Variants in AGPS observed in about 807,000 individuals in gnomAD.
AGPS encodes alkylglycerone phosphate synthase.
Under a neutral mutation model 90.7 loss-of-function variants are expected in AGPS, and 26 were observed. The observed-to-expected ratio is 0.29, with a 90% CI of 0.21 to 0.40. AGPS has a LOEUF of 0.40. Among genes scored for constraint, AGPS ranks in the 10% least tolerant of loss-of-function variants. The pLI, the probability that AGPS is intolerant of heterozygous loss-of-function variation, is 1.00. For missense variants in AGPS, 540 were observed against 816.1 expected (o/e 0.66, Z 4.12); for synonymous variants, 294 against 285.3 (o/e 1.03, Z -0.31).
chr2:177,433,568 C>T (rs955856586), intron 2 of AGPS, among the ~76,000 whole-genome samples: 4 of 152,160 alleles, frequency 2.6e-5, no homozygotes, highest in African/African-American at 9.7e-5. Context: ...GAATATGAGT[C>T]ATACTTTCCA....
chr2:177,404,713 A>G (rs1299241123), intron 1 of AGPS, among the ~76,000 whole-genome samples: 1 of 152,176 alleles, frequency 6.6e-6, no homozygotes, highest in Admixed American at 6.5e-5. Context: ...TTTCTTTTAT[A>G]TCAGTTGGCT....
At chr2:177,438,198 A>C (rs1410715561) in intron 5 of AGPS, among the ~76,000 whole-genome samples, 1 of 152,150 alleles carries the variant, frequency 6.6e-6, no homozygotes, top group Non-Finnish European at 1.5e-5. Flanking sequence ...CCATCCTTTG[A>C]TGTATCTTAA....
At chr2:177,491,622 A>G (rs1688263621) in intron 11 of AGPS, among the ~76,000 whole-genome samples, 2 of 151,848 alleles carry the variant, frequency 1.3e-5, no homozygotes, top group Admixed American at 1.3e-4. Context: ...ATTATATAAG[A>G]TTATTCCAGT....
rs61555724 is a variant in AGPS at position 177,490,846 on chromosome 2, CTTTTTTTTT to C, written c.1234-2285_1234-2277del. 7.9e-3 allele frequency among the ~76,000 whole-genome samples: 459 copies of C among 58,212 alleles called. 6 individuals are homozygous for C. The highest frequency in any genetic ancestry group is 0.011 in the Admixed American group (42 of 3,666). 38.2% of individuals were successfully genotyped at this position (58,212 alleles called of 152,430 possible). ...GGACCATTTGAAATTAAGTTGCAGA[CTTTTTTTTT>C]TTTTTTTTTTTTTTTTAAAGACAGA... On this transcript the variant is annotated intron_variant, in intron 11 of 19. Coordinates refer to ENST00000264167, the MANE Select transcript of AGPS (RefSeq NM_003659.4).
At chr2:177,416,899 C>G (rs1403109391) in intron 1 of AGPS, among the ~76,000 whole-genome samples, 2 of 152,100 alleles carry the variant, frequency 1.3e-5, no homozygotes, top group Non-Finnish European at 2.9e-5. Context: ...TGAGATCATA[C>G]TGGTTAATTG....
chr2:177,422,200 C>T (rs1435273577), intron 2 of AGPS, among the ~76,000 whole-genome samples: 1 of 152,084 alleles, frequency 6.6e-6, no homozygotes, highest in African/African-American at 2.4e-5. Context: ...AAATTAGAAC[C>T]TCAGTGTATT....
intron 8 of AGPS, among the ~76,000 whole-genome samples, chr2:177,454,239 A>G (rs1217011319): frequency 1.3e-5 from 2 of 151,852 alleles, no homozygotes; most frequent in Admixed American, 6.6e-5. Flanking sequence ...GAAGTTCCAC[A>G]GCGCACTGCT....
chr2:177,537,262 G>A (rs1422221283), intron 19 of AGPS, among the ~76,000 whole-genome samples: 2 of 152,024 alleles, frequency 1.3e-5, no homozygotes, highest in African/African-American at 4.8e-5. Flanking sequence ...CTTACAAAAG[G>A]TTATGTTTTT....
Position 177,422,187 on chromosome 2 carries a change from A to T in AGPS, c.350+1829A>T, listed in dbSNP as rs564734017. Among the ~76,000 whole-genome samples, 4 of 152,270 alleles carry T rather than the reference A, an allele frequency of 2.6e-5. No individual in the cohort carries two copies. In the East Asian group the frequency reaches 5.8e-4, roughly 22 times the overall value. On this transcript the variant is annotated intron_variant, in intron 2 of 19. Transcript: ENST00000264167. The stretch of plus-strand genomic sequence containing the variant: ...TGCCACACTTCTAAGAAACTGATTT[A>T]AAAAATTAGAACCTCAGTGTATTCA...
Position 177,403,805 on chromosome 2 carries a change from C to T in AGPS, c.260+10756C>T, listed in dbSNP as rs553495518. Among the ~76,000 whole-genome samples the T allele has an allele frequency of 3.9e-5, 6 of 152,200 alleles. No individual in the cohort carries two copies. In the East Asian group the frequency reaches 9.7e-4, roughly 25 times the overall value. ...ATCAAGAAATAATAATGTGTAAAAT[C>T]ATTTTCAGTGACTCAGGAAGTATTG... On this transcript the variant is annotated intron_variant, in intron 1 of 19. Transcript: ENST00000264167.
At chr2:177,505,622 A>G in intron 15 of AGPS, 47 bp downstream of exon 15, 1 of 1,531,244 alleles carries the variant, frequency 6.5e-7, no homozygotes, top group East Asian at 2.3e-5. Context: ...TGTTGCAAAC[A>G]ATACTTTTTC....
At chr2:177,485,402 C>T (rs1223119230) in intron 11 of AGPS, among the ~76,000 whole-genome samples, 1 of 151,964 alleles carries the variant, frequency 6.6e-6, no homozygotes. Context: ...TGTTGATTTC[C>T]AACATTTCCG....
At chr2:177,440,256 AT>A (rs1182711224) in intron 5 of AGPS, among the ~76,000 whole-genome samples, 1 of 152,138 alleles carries the variant, frequency 6.6e-6, no homozygotes, top group Non-Finnish European at 1.5e-5. Flanking sequence ...GAGTATCCTT[AT>A]AGTGGGGAAA....
chr2:177,424,275 C>A (rs1475838027), intron 2 of AGPS, among the ~76,000 whole-genome samples: 1 of 152,184 alleles, frequency 6.6e-6, no homozygotes, highest in Admixed American at 6.5e-5. Flanking sequence ...ATCCATGTCC[C>A]TGCAAAGGAC....
intron 16 of AGPS, among the ~76,000 whole-genome samples, chr2:177,510,240 G>A (rs1688831792): frequency 6.6e-6 from 1 of 152,082 alleles, no homozygotes; most frequent in South Asian, 2.1e-4. Context: ...CCTTCTTCCT[G>A]GTTTTATAGA....
chr2:177,425,403 C>T (rs1559040651), intron 2 of AGPS, among the ~76,000 whole-genome samples: 1 of 151,852 alleles, frequency 6.6e-6, no homozygotes, highest in African/African-American at 2.4e-5. Context: ...GGTGGATCAC[C>T]TGAGGTCAGG....
Position 177,461,948 on chromosome 2 carries a change from C to A in AGPS, c.926C>A (p.Thr309Asn), listed in dbSNP as rs121434412. 1 of 1,612,580 alleles carries A rather than the reference C, an allele frequency of 6.2e-7. No individual in the cohort carries two copies. The highest frequency in any genetic ancestry group is 1.3e-5 in the African/African-American group (1 of 74,808). Residue 309 changes from threonine to asparagine, a missense_variant, in exon 9 of 20, where the codon ACT (threonine) becomes AAT (asparagine). Thr to Asn is a moderately conservative substitution (Grantham distance 65). Transcript: ENST00000264167. ...GAACCAGATTCCCTGGAGTTCAGTA[C>A]TGTAGGAGGATGGGTATCTACTCGC... ...GHEPDSLEFS[T>N]VGGWVSTRAS...
At position 177,441,180 on chromosome 2, in the gene AGPS, C is replaced by A. The variant is rs1280878363; in HGVS notation, c.709+144C>A. The A allele has an allele frequency of 1.3e-5, 9 of 711,326 alleles. No homozygotes were observed. The South Asian group carries it at 1.4e-4, about 11-fold the overall frequency. 44.1% of individuals were successfully genotyped at this position (711,326 alleles called of 1,614,324 possible). On this transcript the variant is annotated intron_variant, in intron 6 of 19. Transcript: ENST00000264167. ...TTCTCAAAAATTGGTCAATGATGCT[C>A]ATTTTTGTTCTAAGTAGGATTCCTT...
chr2:177,393,002 C>G lies in AGPS; in HGVS notation c.213C>G (p.Pro71=). ...CCGCGTCGGCGGCCACGGCAGCGCCCACGGCCACTCCCGCCGCGCAGGAGT... is the reference window on the plus strand; with the variant it reads ...CCGCGTCGGCGGCCACGGCAGCGCCGACGGCCACTCCCGCCGCGCAGGAGT... ...RRAASAATAA[P]TATPAAQESG... Residue 71 remains proline (P), a synonymous_variant, in exon 1 of 20, where the codon CCC becomes CCG. Coordinates refer to ENST00000264167, the MANE Select transcript of AGPS (RefSeq NM_003659.4). 1.3e-6 allele frequency: 2 copies of G among 1,550,274 alleles called. No homozygotes were observed. Among genetic ancestry groups the G allele is most frequent in the Non-Finnish European group, 1.7e-6 (2 of 1,146,776 alleles).
Sources: gnomAD v4.1 joint callset for allele counts (sites outside exome capture counted in the v4.1 genomes callset) on GRCh38, gnomAD v4.1.1 for gene constraint, MANE v1.5 for transcripts, NCBI Gene and HGNC (gene_info 2026-07-23, HGNC 2026-07-21) for gene names.